The following PRDM8 variants were observed in gnomAD, a reference collection of about 807,000 sequenced individuals.
The protein encoded by PRDM8 is PR domain zinc finger protein 8.
In PRDM8, 13 loss-of-function variants were observed where a neutral mutation model predicts 46.5. The observed-to-expected ratio is 0.28, with a 90% CI of 0.18 to 0.44. The LOEUF (loss-of-function observed/expected upper bound fraction) is 0.44. Among genes scored for constraint, PRDM8 ranks in the 20% least tolerant of loss-of-function variants. The pLI is 1.00. For missense variants in PRDM8, 998 were observed against 955.0 expected (o/e 1.04, Z -0.59); for synonymous variants, 473 against 438.4 (o/e 1.08, Z -0.98).
chr4:80,196,539 C>T (rs1250679077), upstream of PRDM8: 3 of 985,290 alleles, frequency 3.0e-6, no homozygotes, highest in East Asian at 1.1e-4. Context: ...GAGACGGCCT[C>T]GGCAACTCCA....
At chr4:80,186,457 T>A (rs1014350942) in intron 1 of PRDM8, among the ~76,000 whole-genome samples, 1 of 49,034 alleles carries the variant, frequency 2.0e-5, no homozygotes, top group Non-Finnish European at 4.5e-5. Flanking sequence ...GAGAGAGAGA[T>A]TGATTGTCAA....
chr4:80,201,917 C>T lies in PRDM8; in HGVS notation c.455C>T (p.Ser152Leu), dbSNP rs779238085. ...GTGGTGTTTGCTCACTAAGCAGGGTCGTCCCCTTACACATGCCTGGAATGC... is the reference window on the plus strand; with the variant it reads ...GTGGTGTTTGCTCACTAAGCAGGGTTGTCCCCTTACACATGCCTGGAATGC... ...PSRSHNKMNG[S>L]SPYTCLECSQ... Residue 152 changes from serine to leucine, a missense_variant, in exon 4 of 4, where the codon TCG (serine) becomes TTG (leucine). Ser to Leu is a moderately radical substitution (Grantham distance 145). Transcript: ENST00000415738. 8.1e-6 allele frequency: 13 copies of T among 1,613,482 alleles called. No individual in the cohort carries two copies. The highest frequency in any genetic ancestry group is 2.2e-5 in the South Asian group (2 of 91,052).
At chr4:80,186,641 C>T (rs966136304) in intron 1 of PRDM8, among the ~76,000 whole-genome samples, 12 of 152,200 alleles carry the variant, frequency 7.9e-5, no homozygotes, top group African/African-American at 2.9e-4. Context: ...TTCACAGCTA[C>T]ACCCTGGCCT....
chr4:80,199,002 T>G (rs1260206864), intron 1 of PRDM8, among the ~76,000 whole-genome samples: 4,115 of 117,608 alleles, frequency 0.035, 71 homozygotes, highest in Non-Finnish European at 0.048. Context: ...TTGTTTTTTT[T>G]TTTTTTTTTT....
rs60061648 is a variant in PRDM8, at chr4:80,187,244, T to TGCG, written c.-983+1727_-983+1728insCGG. ...GTTGCTGTATCAGCATTCTCTGCCC[T>TGCG]GGGGCGGGGGGAAGCAGAAGAATAT... On this transcript the variant is annotated intron_variant, in intron 1 of 9. Transcript: ENST00000339711. Among the ~76,000 whole-genome samples, 34 of 89,846 alleles carry TGCG rather than the reference T, an allele frequency of 3.8e-4. 2 individuals are homozygous for TGCG. Among genetic ancestry groups the TGCG allele is most frequent in the East Asian group, 1.1e-3 (2 of 1,786 alleles). The allele number at this position is 89,846 out of a possible 152,430, so 58.9% of individuals were successfully genotyped here. A position where few individuals can be genotyped will look rare whatever the true frequency, so the allele number is the denominator to read the frequency against.
At chr4:80,197,136 C>G (rs1004757161), upstream of PRDM8, 1 of 985,394 alleles carries the variant, frequency 1.0e-6, no homozygotes, top group African/African-American at 1.7e-5. Flanking sequence ...ACGGGGTCCG[C>G]ACGCGCTGGG....
At chr4:80,198,616 G>T (rs1167395808) in intron 1 of PRDM8, among the ~76,000 whole-genome samples, 3 of 152,168 alleles carry the variant, frequency 2.0e-5, no homozygotes, top group Non-Finnish European at 4.4e-5. Flanking sequence ...CCCAACACTT[G>T]ACATTTGGGG....
intron 1 of PRDM8, among the ~76,000 whole-genome samples, chr4:80,187,257 A>C (rs998034356): frequency 7.7e-5 from 10 of 129,628 alleles, no homozygotes; most frequent in African/African-American, 3.0e-4. Flanking sequence ...GGCGGGGGGA[A>C]GCAGAAGAAT....
chr4:80,194,405 C>T (rs1737791030), upstream of PRDM8, among the ~76,000 whole-genome samples: 1 of 152,150 alleles, frequency 6.6e-6, no homozygotes, highest in African/African-American at 2.4e-5. Context: ...TGAATAAATG[C>T]CTCAACCCTT....
At chr4:80,196,253 A>G (rs1202745015), upstream of PRDM8, 5 of 952,746 alleles carry the variant, frequency 5.2e-6, no homozygotes, top group Non-Finnish European at 5.0e-6. Flanking sequence ...GATTTATCCT[A>G]ATGCTGACAG....
At chr4:80,189,999 TC>T (rs1737420235) in intron 1 of PRDM8, 1 of 152,228 alleles carries the variant, frequency 6.6e-6, no homozygotes, top group South Asian at 2.1e-4. Flanking sequence ...TCGCCCTCGT[TC>T]CCTTAGAGTC....
In PRDM8 at chr4:80,201,967, C is replaced by T. The variant is rs1738500507; in HGVS notation, c.505C>T (p.Pro169Ser). Reference protein sequence around the residue: ...ECSQRFQFEFPYVAHLRFRCP... With the variant: ...ECSQRFQFEFSYVAHLRFRCP... ...CAGCCAACGTTTCCAGTTTGAGTTC[C>T]CCTATGTGGCGCATCTGCGTTTCCG... The change falls in exon 4 of 4, where the codon CCC (proline) becomes TCC (serine). Residue 169 changes from proline (P) to serine (S), a missense_variant. Coordinates refer to ENST00000415738, the MANE Select transcript of PRDM8 (RefSeq NM_001099403.2). The T allele has an allele frequency of 6.2e-7, 1 of 1,614,026 alleles. No homozygotes were observed. Among genetic ancestry groups the T allele is most frequent in the Non-Finnish European group, 8.5e-7 (1 of 1,179,996 alleles).
Position 80,203,741 on chromosome 4 carries a change from C to A in PRDM8, c.*209C>A. 5 of 480,956 alleles carry A rather than the reference C, an allele frequency of 1.0e-5. No homozygotes were observed. The highest frequency in any genetic ancestry group is 4.4e-5 in the South Asian group (2 of 44,976). The allele number at this position is 480,956 out of a possible 1,614,324, so 29.8% of individuals were successfully genotyped here. ...CAAATATTTACCCGGGACACACACC[C>A]CCCCCCACACACACACACAGACACA... On this transcript the variant is annotated 3_prime_UTR_variant, in exon 4 of 4. Transcript: ENST00000415738.
chr4:80,188,963 A>C (rs1360379845), intron 1 of PRDM8, among the ~76,000 whole-genome samples: 2 of 152,210 alleles, frequency 1.3e-5, no homozygotes, highest in Non-Finnish European at 2.9e-5. Context: ...CCAGTGGTGT[A>C]GCTGCTGCCT....
rs1376131775 is a variant in PRDM8, at chr4:80,202,235, C to G, written c.773C>G (p.Ser258Cys). ...AAAGGSSAKP[S>C]TDFHNLAREL... is the part of the protein sequence containing the mutation. The stretch of plus-strand genomic sequence containing the variant: ...GCCGGCGGCAGCAGCGCGAAGCCAT[C>G]CACAGACTTCCACAACCTGGCCAGG... Residue 258 changes from serine (S) to cysteine (C), a missense_variant, in exon 4 of 4, where the codon TCC (serine) becomes TGC (cysteine). By Grantham distance (112) the Ser-to-Cys change is moderately radical. Transcript: ENST00000415738. The G allele has an allele frequency of 4.3e-6, 7 of 1,611,800 alleles. No individual in the cohort carries two copies. Among genetic ancestry groups the G allele is most frequent in the Non-Finnish European group, 5.9e-6 (7 of 1,179,696 alleles).
rs754426629 is a variant in PRDM8, at chr4:80,200,275, G to C, written c.195G>C (p.Lys65Asn). The change falls in exon 2 of 4, where the codon AAG becomes AAC. Residue 65 changes from lysine (K) to asparagine (N), a missense_variant. Coordinates refer to ENST00000415738, the MANE Select transcript of PRDM8 (RefSeq NM_001099403.2). ...IAFIALKSTD[K>N]RTVPYIFRVD... ...TCATAGCTCTCAAGTCTACTGACAA[G>C]AGAACAGTACCGTATATCTTTCGGG... is the stretch of plus-strand genomic sequence containing the variant. 6.2e-7 allele frequency: 1 copy of C among 1,613,800 alleles called. No individual in the cohort carries two copies.
chr4:80,202,334 G>C lies in PRDM8; in HGVS notation c.872G>C (p.Gly291Ala). 6.2e-7 allele frequency: 1 copy of C among 1,606,692 alleles called. No individual in the cohort carries two copies. The highest frequency in any genetic ancestry group is 8.5e-7 in the Non-Finnish European group (1 of 1,177,196). The change falls in exon 4 of 4, where the codon GGC (glycine) becomes GCC (alanine). Residue 291 changes from glycine (G) to alanine (A), a missense_variant. Coordinates refer to ENST00000415738, the MANE Select transcript of PRDM8 (RefSeq NM_001099403.2). ...CTCAGCAGCGGTAGCGGCAGCGGCGGCGGCGGCGGCCACCAGGAGGCGGAG... is the reference window on the plus strand; with the variant it reads ...CTCAGCAGCGGTAGCGGCAGCGGCGCCGGCGGCGGCCACCAGGAGGCGGAG... Reference protein sequence around the residue: ...QSLSSGSGSGGGGGHQEAELS... With the variant: ...QSLSSGSGSGAGGGHQEAELS...
intron 3 of PRDM8, 52 bp downstream of exon 3, chr4:80,201,573 G>C: frequency 1.3e-6 from 2 of 1,533,948 alleles, no homozygotes; most frequent in South Asian, 1.1e-5. Context: ...GGGGAGAGAC[G>C]CAGGGAGCGG....
chr4:80,200,483 A>G (rs1410517157), intron 2 of PRDM8, among the ~76,000 whole-genome samples, 184 bp downstream of exon 2: 2 of 152,246 alleles, frequency 1.3e-5, no homozygotes, highest in Non-Finnish European at 2.9e-5. Flanking sequence ...TTGTCAACTG[A>G]TTTTTTGGAA....
Sources: allele counts gnomAD v4.1 joint callset (sites outside exome capture counted in the v4.1 genomes callset), GRCh38; gene constraint gnomAD v4.1.1; transcripts MANE v1.5; gene names NCBI Gene and HGNC (gene_info 2026-07-23, HGNC 2026-07-21).